The following GNAL variants were observed in gnomAD, a reference collection of about 807,000 sequenced individuals.
The protein encoded by GNAL is G protein subunit alpha L.
A neutral mutation model predicts 55.1 loss-of-function variants in GNAL; 18 were observed. That is an observed-to-expected ratio of 0.33 (90% confidence interval 0.23 to 0.48). The LOEUF (loss-of-function observed/expected upper bound fraction) is 0.48, where lower values mean the gene tolerates loss of function less well. GNAL is among the 20% of genes least tolerant of loss of function. GNAL has a pLI of 0.99. For synonymous variants in GNAL, 253 were observed against 237.0 expected, an observed-to-expected ratio of 1.07 and a Z score of -0.62; for missense variants, 412 against 614.1, an observed-to-expected ratio of 0.67 and a Z score of 3.48.
intron 1 of GNAL, among the ~76,000 whole-genome samples, chr18:11,699,327 T>C (rs2031500867): frequency 6.6e-6 from 1 of 152,038 alleles, no homozygotes; most frequent in African/African-American, 2.4e-5. Flanking sequence ...CCCAAGTAGC[T>C]AGGACCACAG....
intron 1 of GNAL, among the ~76,000 whole-genome samples, chr18:11,723,011 C>CAA (rs61457198): frequency 9.6e-4 from 77 of 79,976 alleles, no homozygotes; most frequent in African/African-American, 1.4e-3. Flanking sequence ...AACTTCATCT[C>CAA]AAAAAAAAAA....
At chr18:11,771,803 CT>C (rs1219640428) in intron 4 of GNAL, among the ~76,000 whole-genome samples, 4 of 152,178 alleles carry the variant, frequency 2.6e-5, no homozygotes, top group African/African-American at 2.4e-5. Context: ...CAACCTCCTC[CT>C]TCTGGGTTCA....
chr18:11,760,392 CAT>C (rs2033202127), intron 4 of GNAL, among the ~76,000 whole-genome samples: 1 of 152,100 alleles, frequency 6.6e-6, no homozygotes, highest in Non-Finnish European at 1.5e-5. Flanking sequence ...AGGTCTGGTG[CAT>C]GTTTTATGGG....
At position 11,760,464 on chromosome 18, in the gene GNAL, A is replaced by G. The variant is rs528991383; in HGVS notation, c.624+6519A>G. Among the ~76,000 whole-genome samples the G allele has an allele frequency of 2.0e-5, 3 of 152,330 alleles. No homozygotes were observed. The South Asian group carries it at 6.2e-4, about 32-fold the overall frequency. ...ACAGTAAACTTTCGCCTTCTGCAGT[A>G]CACTGAACCTCTTAAAGACGCTTGT... is the stretch of plus-strand genomic sequence containing the variant. On this transcript the variant is annotated intron_variant, in intron 4 of 11. Coordinates refer to ENST00000334049, the MANE Select transcript of GNAL (RefSeq NM_182978.4).
intron 4 of GNAL, among the ~76,000 whole-genome samples, chr18:11,801,387 T>C (rs920124369): frequency 3.9e-5 from 6 of 152,298 alleles, no homozygotes; most frequent in African/African-American, 1.4e-4. Flanking sequence ...CCCATGTTTC[T>C]ACTAAAAATA....
At chr18:11,830,245 G>GT (rs2035348462) in intron 5 of GNAL, among the ~76,000 whole-genome samples, 1 of 146,088 alleles carries the variant, frequency 6.8e-6, no homozygotes, top group African/African-American at 2.5e-5. Context: ...TGGTGTGACA[G>GT]TAAGTCACTG....
intron 4 of GNAL, among the ~76,000 whole-genome samples, chr18:11,797,586 A>T (rs1396144134): frequency 1.3e-5 from 2 of 152,102 alleles, no homozygotes; most frequent in Non-Finnish European, 2.9e-5. Context: ...TCTACAAAAA[A>T]TACACAAATT....
At chr18:11,784,706 T>C (rs907048900) in intron 4 of GNAL, among the ~76,000 whole-genome samples, 1 of 152,194 alleles carries the variant, frequency 6.6e-6, no homozygotes, top group Admixed American at 6.5e-5. Flanking sequence ...GAATGTATTA[T>C]GAATCTGAGT....
At chr18:11,757,346 AAGC>A (rs33956576) in intron 4 of GNAL, among the ~76,000 whole-genome samples, 16,882 of 152,168 alleles carry the variant, frequency 0.11, 1,398 homozygotes, top group African/African-American at 0.23. Context: ...GGAGGGTTCT[AAGC>A]AGTGGAGCCA....
intron 1 of GNAL, among the ~76,000 whole-genome samples, chr18:11,692,566 G>A (rs2143281815): frequency 6.6e-6 from 1 of 152,018 alleles, no homozygotes; most frequent in Admixed American, 6.5e-5. Context: ...ATAAATCTTC[G>A]GATATGCAAG....
In GNAL at chr18:11,881,214, G is replaced by A. The variant is rs1364359186; in HGVS notation, c.*79G>A. 1 of 1,387,452 alleles carries A rather than the reference G, an allele frequency of 7.2e-7. No homozygotes were observed. Among genetic ancestry groups the A allele is most frequent in the Admixed American group, 2.0e-5 (1 of 48,816 alleles). The allele number at this position is 1,387,452 out of a possible 1,614,324, so 85.9% of individuals were successfully genotyped here. On this transcript the variant is annotated 3_prime_UTR_variant, in exon 12 of 12. Coordinates refer to ENST00000334049, the MANE Select transcript of GNAL (RefSeq NM_182978.4). This position sits in a 1 kb window ranked among gnomAD's most constrained non-coding sequence, Gnocchi z 4.8. The stretch of plus-strand genomic sequence containing the variant: ...GCCCCATGCCATGGTAGGAGGCAGA[G>A]TCTCTAGTTCCATCTCGCTGCCGTC...
At chr18:11,694,897 A>G (rs1290491818) in intron 1 of GNAL, among the ~76,000 whole-genome samples, 1 of 152,158 alleles carries the variant, frequency 6.6e-6, no homozygotes, top group African/African-American at 2.4e-5. Context: ...GTATCCTCAC[A>G]TGGCCTTTCC....
rs2144053371 is a variant in GNAL at position 11,885,183 on chromosome 18, A to T, written c.*4048A>T. ...CCTCCACCTTTTTATGAAGTAAAAG[A>T]ACCTGTCGTACCAGCATCATGAGCT... On this transcript the variant is annotated 3_prime_UTR_variant, in exon 12 of 12. Transcript: ENST00000334049. The T allele has an allele frequency of 1.7e-6, 1 of 575,836 alleles. No individual in the cohort carries two copies. Among genetic ancestry groups the T allele is most frequent in the East Asian group, 8.9e-5 (1 of 11,274 alleles). The allele number at this position is 575,836 out of a possible 1,614,324, so 35.7% of individuals were successfully genotyped here. A position where few individuals can be genotyped will look rare whatever the true frequency, so the allele number is the denominator to read the frequency against.
Position 11,883,274 on chromosome 18 carries a change from C to T in GNAL, c.*2139C>T, listed in dbSNP as rs1317668587. ...CTCAGCTGAACTAAGATAAATAATA[C>T]AATGGAAATTATTTTCAGTTCCCCT... On this transcript the variant is annotated 3_prime_UTR_variant, in exon 12 of 12. Coordinates refer to ENST00000334049, the MANE Select transcript of GNAL (RefSeq NM_182978.4). 1.3e-5 allele frequency: 2 copies of T among 152,162 alleles called. No homozygotes were observed. Among genetic ancestry groups the T allele is most frequent in the African/African-American group, 4.8e-5 (2 of 41,412 alleles). 9.4% of individuals were successfully genotyped at this position (152,162 alleles called of 1,614,324 possible).
At chr18:11,844,060 C>T (rs1048480154) in intron 5 of GNAL, among the ~76,000 whole-genome samples, 1 of 152,208 alleles carries the variant, frequency 6.6e-6, no homozygotes, top group African/African-American at 2.4e-5. Context: ...GATTAGCCTT[C>T]CATGGACACT....
chr18:11,856,329 A>G (rs2036007553), intron 5 of GNAL, among the ~76,000 whole-genome samples: 1 of 151,366 alleles, frequency 6.6e-6, no homozygotes, highest in Non-Finnish European at 1.5e-5. Context: ...TGTCTGTCAT[A>G]GTGTCAGTCT....
At chr18:11,761,749 G>A (rs758692559) in intron 4 of GNAL, among the ~76,000 whole-genome samples, 20 of 152,132 alleles carry the variant, frequency 1.3e-4, no homozygotes, top group African/African-American at 3.9e-4. Context: ...CCTTTGCTTC[G>A]TGCTGTCTAG....
intron 5 of GNAL, among the ~76,000 whole-genome samples, chr18:11,839,810 C>G (rs796311019): frequency 2.2e-4 from 34 of 152,312 alleles, no homozygotes; most frequent in African/African-American, 8.2e-4. Context: ...AAAGCGAAAG[C>G]TGTAATCGTG....
intron 5 of GNAL, among the ~76,000 whole-genome samples, chr18:11,841,895 G>A (rs1324798039): frequency 6.6e-6 from 1 of 151,988 alleles, no homozygotes; most frequent in Admixed American, 6.6e-5. Flanking sequence ...AAATGTTTGT[G>A]GAATATACGT....
Sources: gnomAD v4.1 joint callset for allele counts (sites outside exome capture counted in the v4.1 genomes callset) on GRCh38, gnomAD v4.1.1 for gene constraint, Gnocchi (gnomAD v3.1) non-coding constraint, MANE v1.5 for transcripts, NCBI Gene and HGNC (gene_info 2026-07-23, HGNC 2026-07-21) for gene names.